MOXD1: variants seen among roughly 807,000 people sequenced by gnomAD.
MOXD1 encodes DBH-like monooxygenase protein 1.
In MOXD1, 62 loss-of-function variants were observed where a neutral mutation model predicts 66.6. The ratio of observed to expected loss-of-function variants is 0.93; its 90% CI spans 0.76 to 1.15. The LOEUF (loss-of-function observed/expected upper bound fraction) is 1.15, where lower values mean the gene tolerates loss of function less well. Ranked by LOEUF, MOXD1 falls within the 50% of genes most tolerant of loss-of-function variation. MOXD1 has a pLI of 0.00. For synonymous variants in MOXD1, 303 were observed against 281.9 expected (o/e 1.07, Z -0.75); for missense variants, 847 against 754.6 (o/e 1.12, Z -1.44).
intron 4 of MOXD1, among the ~76,000 whole-genome samples, chr6:132,363,990 T>C (rs1389883990): frequency 1.3e-5 from 2 of 152,106 alleles, no homozygotes; most frequent in Non-Finnish European, 2.9e-5. Flanking sequence ...TCTAAACTTT[T>C]GTACTACCTG....
intron 6 of MOXD1, among the ~76,000 whole-genome samples, chr6:132,325,512 C>T (rs1760896139): frequency 6.6e-6 from 1 of 152,192 alleles, no homozygotes; most frequent in African/African-American, 2.4e-5. Flanking sequence ...ACCCTTCCAC[C>T]ATGTGAAGCC....
intron 1 of MOXD1, among the ~76,000 whole-genome samples, chr6:132,381,752 C>T (rs1776517466): frequency 6.6e-6 from 1 of 152,090 alleles, no homozygotes; most frequent in Non-Finnish European, 1.5e-5. Context: ...GAGAATGAAA[C>T]AGACACAGTA....
chr6:132,339,362 A>G (rs1775503068), intron 4 of MOXD1, among the ~76,000 whole-genome samples: 1 of 152,154 alleles, frequency 6.6e-6, no homozygotes, highest in Non-Finnish European at 1.5e-5. Context: ...CTTGGACTCA[A>G]ATGACAACTC....
At chr6:132,385,994 T>C (rs1035864918) in intron 1 of MOXD1, among the ~76,000 whole-genome samples, 8 of 148,962 alleles carry the variant, frequency 5.4e-5, no homozygotes, top group African/African-American at 2.0e-4. Context: ...TCCCAGCTAC[T>C]CGGGAGGCTG....
chr6:132,321,505 A>G (rs1003701334), intron 8 of MOXD1, among the ~76,000 whole-genome samples: 3 of 152,164 alleles, frequency 2.0e-5, no homozygotes, highest in African/African-American at 7.2e-5. Context: ...ATCCTTTTGT[A>G]CATTACAATA....
At position 132,324,001 on chromosome 6, in the gene MOXD1, A is replaced by G. The variant is rs1290261660; in HGVS notation, c.1043T>C (p.Phe348Ser). The change falls in exon 7 of 12, where the codon TTC becomes TCC. Residue 348 changes from phenylalanine (F) to serine (S), a missense_variant. Physicochemically the swap from Phe to Ser is radical, Grantham distance 155. Coordinates refer to ENST00000367963, the MANE Select transcript of MOXD1 (RefSeq NM_015529.4). ...VIEAGLWVSL[F>S]HTIPPGMPEF... The stretch of plus-strand genomic sequence containing the variant: ...AGGCATCCCTGGAGGGATGGTATGG[A>G]AGAGGCTCACCCAGAGGCCAGCCTC... 1 of 1,613,918 alleles carries G rather than the reference A, an allele frequency of 6.2e-7. No homozygotes were observed. The highest frequency in any genetic ancestry group is 1.3e-5 in the African/African-American group (1 of 74,922).
chr6:132,354,264 C>T (rs1400887913), intron 4 of MOXD1, among the ~76,000 whole-genome samples: 1 of 152,116 alleles, frequency 6.6e-6, no homozygotes, highest in Non-Finnish European at 1.5e-5. Context: ...TTTTCTGGTT[C>T]CTTCTCATTT....
At chr6:132,317,377 G>C (rs1412917430) in intron 9 of MOXD1, among the ~76,000 whole-genome samples, 1 of 152,156 alleles carries the variant, frequency 6.6e-6, no homozygotes, top group Non-Finnish European at 1.5e-5. Context: ...TGATGCCTCA[G>C]TAAATATTGT....
chr6:132,343,070 C>A (rs1159364355), intron 4 of MOXD1, among the ~76,000 whole-genome samples: 1 of 152,152 alleles, frequency 6.6e-6, no homozygotes. Flanking sequence ...TGTGACCCAT[C>A]CTCCTATCCT....
At chr6:132,374,486 T>C (rs1285995681) in intron 2 of MOXD1, 145 bp downstream of exon 2, 9 of 840,174 alleles carry the variant, frequency 1.1e-5, no homozygotes, top group Non-Finnish European at 1.4e-5. Flanking sequence ...AAGAAAAAAC[T>C]AAAAAAAAAA....
At chr6:132,351,945 A>T (rs1237340285) in intron 4 of MOXD1, among the ~76,000 whole-genome samples, 1 of 152,010 alleles carries the variant, frequency 6.6e-6, no homozygotes, top group Non-Finnish European at 1.5e-5. Flanking sequence ...GCCTTGAATG[A>T]TCTTTTGTGT....
rs78216182 is a variant in MOXD1, at chr6:132,304,450, C to T, written c.1509-6495G>A. Among the ~76,000 whole-genome samples the T allele has an allele frequency of 3.9e-3, 593 of 152,256 alleles. 3 individuals carry two copies. Among genetic ancestry groups the T allele is most frequent in the African/African-American group, 0.014 (563 of 41,542 alleles). On this transcript the variant is annotated intron_variant, in intron 10 of 11. Transcript: ENST00000367963. Reference sequence around the variant, plus strand: ...ACAGAGAGTCCTTCAATGCTTTAGCCTTGAATCTCACATTGCCCTGGGATA... The same window carrying T: ...ACAGAGAGTCCTTCAATGCTTTAGCTTTGAATCTCACATTGCCCTGGGATA...
chr6:132,317,163 G>T (rs1355481836), intron 9 of MOXD1, among the ~76,000 whole-genome samples: 1 of 152,076 alleles, frequency 6.6e-6, no homozygotes, highest in East Asian at 1.9e-4. Flanking sequence ...AGGAAACAAA[G>T]CAACTGCCAA....
At chr6:132,387,751 T>TAAAA (rs56728324) in intron 1 of MOXD1, among the ~76,000 whole-genome samples, 4 of 69,524 alleles carry the variant, frequency 5.8e-5, no homozygotes, top group African/African-American at 1.0e-4. Flanking sequence ...AAACTCCATC[T>TAAAA]AAAAAAAAAA....
intron 1 of MOXD1, among the ~76,000 whole-genome samples, chr6:132,377,602 C>CA: frequency 6.6e-6 from 1 of 152,280 alleles, no homozygotes; most frequent in South Asian, 2.1e-4. Flanking sequence ...AAACTTCACT[C>CA]AACTTATGTT....
intron 4 of MOXD1, among the ~76,000 whole-genome samples, chr6:132,346,752 C>A (rs1775676405): frequency 1.3e-5 from 2 of 152,190 alleles, no homozygotes; most frequent in Admixed American, 1.3e-4. Flanking sequence ...GCAAGTAGCA[C>A]AGCAGAGCTG....
intron 4 of MOXD1, among the ~76,000 whole-genome samples, chr6:132,331,114 C>A (rs1040893198): frequency 2.0e-5 from 3 of 152,204 alleles, no homozygotes; most frequent in African/African-American, 7.2e-5. Context: ...GAAGTAAAAC[C>A]CAGAATTTCT....
chr6:132,345,878 C>T (rs1775659466), intron 4 of MOXD1, among the ~76,000 whole-genome samples: 1 of 151,842 alleles, frequency 6.6e-6, no homozygotes, highest in Non-Finnish European at 1.5e-5. Context: ...GATGCCAGTA[C>T]ATGTGGCTTT....
chr6:132,302,615 T>G (rs750424244), intron 10 of MOXD1, among the ~76,000 whole-genome samples: 2 of 152,156 alleles, frequency 1.3e-5, no homozygotes, highest in Non-Finnish European at 2.9e-5. Flanking sequence ...TCAATATTGT[T>G]AAGGTATCAA....
Sources: allele counts gnomAD v4.1 joint callset (sites outside exome capture counted in the v4.1 genomes callset), GRCh38; gene constraint gnomAD v4.1.1; transcripts MANE v1.5; gene names NCBI Gene and HGNC (gene_info 2026-07-23, HGNC 2026-07-21).